FBXL5: variants seen among roughly 807,000 people sequenced by gnomAD.
FBXL5 encodes the protein F-box/LRR-repeat protein 5.
Under a neutral mutation model 78.3 loss-of-function variants are expected in FBXL5, and 26 were observed. The observed-to-expected ratio is 0.33, with a 90% CI of 0.24 to 0.46. The LOEUF (loss-of-function observed/expected upper bound fraction) is 0.46. Among genes scored for constraint, FBXL5 ranks in the 20% least tolerant of loss-of-function variants. The probability of loss-of-function intolerance (pLI) is 1.00; values close to 1 mark genes in which losing one functional copy is unlikely to be tolerated. For missense variants in FBXL5, 710 were observed against 829.2 expected (o/e 0.86, Z 1.77); for synonymous variants, 295 against 282.5 (o/e 1.04, Z -0.45).
intron 9 of FBXL5, among the ~76,000 whole-genome samples, chr4:15,620,972 T>A (rs758296414): frequency 1.3e-5 from 2 of 152,224 alleles, no homozygotes; most frequent in Non-Finnish European, 1.5e-5. Flanking sequence ...ACAATGCTAA[T>A]GACTGGCTTG....
chr4:15,647,140 T>C (rs1310105076), intron 1 of FBXL5, among the ~76,000 whole-genome samples: 1 of 146,082 alleles, frequency 6.8e-6, no homozygotes, highest in Non-Finnish European at 1.5e-5. Context: ...GGAGAATCAC[T>C]TGAACCCAGG....
At chr4:15,658,028 C>T (rs866262090), upstream of FBXL5, among the ~76,000 whole-genome samples, 1 of 152,212 alleles carries the variant, frequency 6.6e-6, no homozygotes, top group Non-Finnish European at 1.5e-5. Context: ...CTTACCTACT[C>T]TCATTCTCTC....
intron 6 of FBXL5, among the ~76,000 whole-genome samples, chr4:15,629,290 C>T (rs530421819): frequency 2.0e-5 from 3 of 152,206 alleles, no homozygotes; most frequent in African/African-American, 7.2e-5. Flanking sequence ...TTTGTGAGAA[C>T]CTTCAACATT....
At chr4:15,636,320 G>T (rs1456876448) in intron 5 of FBXL5, 174 bp downstream of exon 5, 2 of 469,536 alleles carry the variant, frequency 4.3e-6, no homozygotes, top group Admixed American at 3.8e-5. Flanking sequence ...ATTTACCCAT[G>T]AATTTCATCA....
intron 9 of FBXL5, among the ~76,000 whole-genome samples, chr4:15,615,815 G>A (rs1274885266): frequency 6.6e-6 from 1 of 152,078 alleles, no homozygotes; most frequent in South Asian, 2.1e-4. Context: ...TCAGCAGGAT[G>A]TGGGTGGGGC....
At chr4:15,671,603 G>A (rs1439141770) in intron 1 of FBXL5, among the ~76,000 whole-genome samples, 1 of 151,992 alleles carries the variant, frequency 6.6e-6, no homozygotes, top group East Asian at 1.9e-4. Flanking sequence ...TCTTGTGCTT[G>A]GAGTTCATAT....
chr4:15,629,529 C>T (rs1004949068), intron 6 of FBXL5, among the ~76,000 whole-genome samples: 1 of 152,036 alleles, frequency 6.6e-6, no homozygotes, highest in Non-Finnish European at 1.5e-5. Flanking sequence ...ATATATTTTA[C>T]CTGTATTTAT....
rs1387704064 is a variant in FBXL5, at chr4:15,604,938, T to G, written c.*785A>C. 6.6e-6 allele frequency: 1 copy of G among 152,240 alleles called. No individual in the cohort carries two copies. Among genetic ancestry groups the G allele is most frequent in the African/African-American group, 2.4e-5 (1 of 41,460 alleles). The allele number at this position is 152,240 out of a possible 1,614,324, so 9.4% of individuals were successfully genotyped here. A position where few individuals can be genotyped will look rare whatever the true frequency, so the allele number is the denominator to read the frequency against. On this transcript the variant is annotated 3_prime_UTR_variant, in exon 11 of 11. Transcript: ENST00000341285. The stretch of plus-strand genomic sequence containing the variant: ...TCATGGGAGGTCCAAAGACAAAGTA[T>G]GTAGTCCTATTCTATACTAAAGTAA...
chr4:15,621,232 AT>A (rs555729802), intron 9 of FBXL5, among the ~76,000 whole-genome samples: 46 of 152,336 alleles, frequency 3.0e-4, no homozygotes, highest in South Asian at 4.1e-4. Context: ...CACAAAAAAA[AT>A]GTTAGAACTA....
At chr4:15,674,381 T>G (rs1027326911) in intron 1 of FBXL5, among the ~76,000 whole-genome samples, 43 of 152,252 alleles carry the variant, frequency 2.8e-4, no homozygotes, top group African/African-American at 8.9e-4. Context: ...ATGTGAGAAC[T>G]GCACTTGAGA....
intron 1 of FBXL5, among the ~76,000 whole-genome samples, chr4:15,672,777 ATTT>A (rs1449555186): frequency 6.6e-6 from 1 of 152,170 alleles, no homozygotes; most frequent in Non-Finnish European, 1.5e-5. Context: ...TCAACAGTAA[ATTT>A]TTATTTTATA....
chr4:15,668,658 A>C (rs1042544281), intron 1 of FBXL5, among the ~76,000 whole-genome samples: 4 of 152,216 alleles, frequency 2.6e-5, no homozygotes, highest in Middle Eastern at 6.3e-3. Flanking sequence ...ATAAAGGCTT[A>C]AAATCTTCAA....
At chr4:15,646,597 C>T (rs1017163045) in intron 1 of FBXL5, among the ~76,000 whole-genome samples, 1 of 151,888 alleles carries the variant, frequency 6.6e-6, no homozygotes, top group African/African-American at 2.4e-5. Flanking sequence ...GCACAACGTG[C>T]AGGTTTGTTA....
intron 1 of FBXL5, among the ~76,000 whole-genome samples, chr4:15,652,926 G>A (rs11730336): frequency 0.072 from 11,032 of 152,194 alleles, 491 homozygotes; most frequent in Middle Eastern, 0.099. Flanking sequence ...ACCAAAGGAT[G>A]GCAAAACGTG....
At chr4:15,615,656 G>A (rs28810735) in intron 9 of FBXL5, among the ~76,000 whole-genome samples, 1 of 146,912 alleles carries the variant, frequency 6.8e-6, no homozygotes, top group Non-Finnish European at 1.5e-5. Flanking sequence ...TCTGTATCTA[G>A]CTGCTCTGGT....
chr4:15,625,616 A>T lies in FBXL5; in HGVS notation c.1486T>A (p.Trp496Arg), dbSNP rs1382248165. ...DLADIEDTVEWRHRNVESLCV... is the reference protein window; with the variant it reads ...DLADIEDTVERRHRNVESLCV... ...AGACTTTCAACATTTCTATGTCTCC[A>T]TTCCACAGTATCTTCAATATCAGCC... Residue 496 changes from tryptophan to arginine, a missense_variant, in exon 9 of 11, where the codon TGG (tryptophan) becomes AGG (arginine). Transcript: ENST00000341285. 1 of 1,614,214 alleles carries T rather than the reference A, an allele frequency of 6.2e-7. No homozygotes were observed. The highest frequency in any genetic ancestry group is 8.5e-7 in the Non-Finnish European group (1 of 1,180,030).
chr4:15,616,375 G>C (rs1711875181), intron 9 of FBXL5, among the ~76,000 whole-genome samples: 1 of 63,056 alleles, frequency 1.6e-5, no homozygotes, highest in Admixed American at 1.8e-4. Flanking sequence ...CAGCCCAAAA[G>C]GCAGGTCTCA....
intron 1 of FBXL5, 120 bp from the exon 2 acceptor site, chr4:15,644,828 A>G: frequency 1.5e-6 from 1 of 659,532 alleles, no homozygotes; most frequent in South Asian, 2.2e-5. Context: ...CACTTGGTTA[A>G]AGTACAAATA....
chr4:15,634,376 G>C lies in FBXL5; in HGVS notation c.766+2118C>G, dbSNP rs943504708. 2.0e-5 allele frequency among the ~76,000 whole-genome samples: 3 copies of C among 150,914 alleles called. No individual in the cohort carries two copies. The South Asian group carries it at 6.3e-4, about 32-fold the overall frequency. On this transcript the variant is annotated intron_variant, in intron 5 of 10. Coordinates refer to ENST00000341285, the MANE Select transcript of FBXL5 (RefSeq NM_012161.4). ...ACTAATTTTTTTTCTTTTTTGTTTT[G>C]TTTTTTTTGAGACGGAGTCTCACTC...
Sources: gnomAD v4.1 joint callset for allele counts (sites outside exome capture counted in the v4.1 genomes callset) on GRCh38, gnomAD v4.1.1 for gene constraint, MANE v1.5 for transcripts, NCBI Gene and HGNC (gene_info 2026-07-23, HGNC 2026-07-21) for gene names.